The following KIF26B variants were observed in gnomAD, a reference collection of about 807,000 sequenced individuals.
KIF26B encodes kinesin family member 26B.
Under a neutral mutation model 151.2 loss-of-function variants are expected in KIF26B, and 63 were observed. The ratio of observed to expected loss-of-function variants is 0.42; its 90% confidence interval spans 0.34 to 0.51. KIF26B has a LOEUF of 0.51. Ranked by LOEUF, KIF26B falls within the 20% of genes least tolerant of loss-of-function variation. KIF26B has a pLI of 0.07. For synonymous variants in KIF26B, 1,357 were observed against 1,262.1 expected, an observed-to-expected ratio of 1.08 and a Z score of -1.59; for missense variants, 2,813 against 2,913.6, an observed-to-expected ratio of 0.97 and a Z score of 0.79.
chr1:245,438,619 A>C (rs535236068), intron 4 of KIF26B, among the ~76,000 whole-genome samples: 2 of 152,296 alleles, frequency 1.3e-5, no homozygotes, highest in East Asian at 3.9e-4. Flanking sequence ...GTTATTCATC[A>C]AAGCCCCCAA....
chr1:245,240,408 G>A (rs575840064), intron 2 of KIF26B, among the ~76,000 whole-genome samples: 7 of 152,232 alleles, frequency 4.6e-5, no homozygotes, highest in East Asian at 1.9e-4. Flanking sequence ...GTAACTTTGG[G>A]TTTGTAGAAT....
intron 10 of KIF26B, among the ~76,000 whole-genome samples, chr1:245,681,197 T>C (rs1379145436): frequency 6.0e-5 from 9 of 149,202 alleles, no homozygotes; most frequent in Admixed American, 4.7e-4. Flanking sequence ...ATCCGGTCTT[T>C]GGTAAGTTTT....
chr1:245,364,809 T>C (rs1672905364), intron 2 of KIF26B, among the ~76,000 whole-genome samples: 1 of 152,178 alleles, frequency 6.6e-6, no homozygotes, highest in Non-Finnish European at 1.5e-5. Context: ...GCAATTGATT[T>C]GAGGCTTTTT....
At chr1:245,434,824 G>A (rs1093917) in intron 4 of KIF26B, among the ~76,000 whole-genome samples, 2 of 152,068 alleles carry the variant, frequency 1.3e-5, no homozygotes, top group South Asian at 4.1e-4. Flanking sequence ...ACAGACTCTG[G>A]TATCTTCCTT....
At chr1:245,689,184 C>T (rs948139526) in intron 12 of KIF26B, among the ~76,000 whole-genome samples, 2 of 152,238 alleles carry the variant, frequency 1.3e-5, no homozygotes, top group East Asian at 1.9e-4. Flanking sequence ...CGCACCTGCT[C>T]GCTCTGGGGG....
intron 2 of KIF26B, among the ~76,000 whole-genome samples, chr1:245,168,566 A>G (rs939696210): frequency 1.3e-5 from 2 of 152,244 alleles, no homozygotes; most frequent in African/African-American, 4.8e-5. Context: ...AAGTTCTGCC[A>G]TATTGATTAG....
At chr1:245,424,108 T>A (rs970918999) in intron 4 of KIF26B, among the ~76,000 whole-genome samples, 1 of 152,146 alleles carries the variant, frequency 6.6e-6, no homozygotes, top group Non-Finnish European at 1.5e-5. Context: ...CCTCCCATAG[T>A]GCTGGGATTA....
intron 4 of KIF26B, among the ~76,000 whole-genome samples, chr1:245,493,290 C>G (rs1021764542): frequency 2.0e-5 from 3 of 152,124 alleles, no homozygotes; most frequent in African/African-American, 7.2e-5. Flanking sequence ...GTTAGTCAAG[C>G]AGAGAAAAGT....
chr1:245,630,042 A>G (rs2043764326), intron 9 of KIF26B, among the ~76,000 whole-genome samples: 1 of 152,248 alleles, frequency 6.6e-6, no homozygotes. Context: ...ATACCATCTC[A>G]TGCCAGTCAG....
At chr1:245,520,607 CCCACCCAT>C (rs1384483320) in intron 4 of KIF26B, among the ~76,000 whole-genome samples, 32,714 of 106,236 alleles carry the variant, frequency 0.31, 4,074 homozygotes, top group Middle Eastern at 0.4. Flanking sequence ...CATCCACCCA[CCCACCCAT>C]CCATCCATCC....
chr1:245,455,232 A>G (rs1659488690), intron 4 of KIF26B, among the ~76,000 whole-genome samples: 1 of 152,192 alleles, frequency 6.6e-6, no homozygotes, highest in Non-Finnish European at 1.5e-5. Flanking sequence ...CAGGCCGGGC[A>G]TGGTGGCTCA....
chr1:245,305,936 C>CAAA (rs55865379), intron 2 of KIF26B, among the ~76,000 whole-genome samples: 943 of 86,348 alleles, frequency 0.011, 16 homozygotes, highest in Non-Finnish European at 0.014. Flanking sequence ...GACGACTCCT[C>CAAA]AAAAAAAAAA....
chr1:245,533,445 T>G (rs1201989056), intron 4 of KIF26B, among the ~76,000 whole-genome samples: 1 of 152,160 alleles, frequency 6.6e-6, no homozygotes, highest in East Asian at 1.9e-4. Flanking sequence ...TACCCACCTA[T>G]TTGAGCATCC....
intron 3 of KIF26B, among the ~76,000 whole-genome samples, chr1:245,394,759 C>T (rs1215195405): frequency 2.2e-5 from 3 of 135,326 alleles, no homozygotes; most frequent in South Asian, 4.5e-4. Context: ...GGCACGATCT[C>T]GGCTCACCGC....
At chr1:245,310,930 A>G (rs1347238132) in intron 2 of KIF26B, among the ~76,000 whole-genome samples, 1 of 152,254 alleles carries the variant, frequency 6.6e-6, no homozygotes, top group African/African-American at 2.4e-5. Context: ...GTAGCTCCCA[A>G]GTATCAGAGC....
At chr1:245,212,862 C>T (rs1348170058) in intron 2 of KIF26B, among the ~76,000 whole-genome samples, 3 of 152,218 alleles carry the variant, frequency 2.0e-5, no homozygotes, top group South Asian at 2.1e-4. Flanking sequence ...TATTTTACAG[C>T]ATATGGCATT....
At chr1:245,486,099 A>C (rs1390758942) in intron 4 of KIF26B, among the ~76,000 whole-genome samples, 1 of 152,268 alleles carries the variant, frequency 6.6e-6, no homozygotes, top group Non-Finnish European at 1.5e-5. Flanking sequence ...AATAGAAAAC[A>C]GTGTGCTTTC....
intron 2 of KIF26B, among the ~76,000 whole-genome samples, chr1:245,334,621 G>C (rs542371499): frequency 7.2e-5 from 11 of 152,360 alleles, no homozygotes; most frequent in African/African-American, 2.6e-4. Flanking sequence ...AGGGTCAGCA[G>C]AGGAGAAGGG....
chr1:245,161,752 A>T (rs567836503), intron 2 of KIF26B, among the ~76,000 whole-genome samples: 2 of 152,286 alleles, frequency 1.3e-5, no homozygotes, highest in Non-Finnish European at 2.9e-5. Flanking sequence ...TGAAGAAAAA[A>T]TATGCAAGGA....
Sources: gnomAD v4.1 joint callset for allele counts (sites outside exome capture counted in the v4.1 genomes callset) on GRCh38, gnomAD v4.1.1 for gene constraint, MANE v1.5 for transcripts, NCBI Gene and HGNC (gene_info 2026-07-23, HGNC 2026-07-21) for gene names.